Variants in KIZ observed in about 807,000 individuals in gnomAD.
The protein encoded by KIZ is centrosomal protein kizuna.
Under a neutral mutation model 79.6 loss-of-function variants are expected in KIZ, and 68 were observed. The ratio of observed to expected loss-of-function variants is 0.85; its 90% CI spans 0.70 to 1.05. The LOEUF is 1.05. Among genes scored for constraint, KIZ ranks in the 50% least tolerant of loss-of-function variants. KIZ has a pLI of 0.00. For synonymous variants in KIZ, 280 were observed against 281.8 expected, an observed-to-expected ratio of 0.99 and a Z score of 0.06; for missense variants, 797 against 800.4, an observed-to-expected ratio of 1.00 and a Z score of 0.05.
At chr20:21,200,008 A>G (rs1408717336) in intron 6 of KIZ, among the ~76,000 whole-genome samples, 1 of 151,988 alleles carries the variant, frequency 6.6e-6, no homozygotes, top group Non-Finnish European at 1.5e-5. Flanking sequence ...TTGGCAGAAG[A>G]TGGGGTTTTA....
chr20:21,227,067 T>C (rs1290955804), intron 9 of KIZ, among the ~76,000 whole-genome samples: 6 of 152,206 alleles, frequency 3.9e-5, no homozygotes, highest in Non-Finnish European at 7.3e-5. Context: ...AGTATCAAAA[T>C]GGTCCCTTGT....
intron 7 of KIZ, among the ~76,000 whole-genome samples, chr20:21,205,893 A>G (rs1387200014): frequency 6.6e-6 from 1 of 151,826 alleles, no homozygotes; most frequent in Non-Finnish European, 1.5e-5. Flanking sequence ...CCCAGGATGC[A>G]GAGGTTGCAG....
chr20:21,203,255 C>T (rs1421469455), intron 6 of KIZ, among the ~76,000 whole-genome samples: 2 of 152,160 alleles, frequency 1.3e-5, no homozygotes, highest in Non-Finnish European at 2.9e-5. Context: ...AATTGGGTCA[C>T]TTACCCTGGA....
chr20:21,196,678 G>A (rs2035356391), intron 6 of KIZ: 2 of 152,260 alleles, frequency 1.3e-5, no homozygotes, highest in Non-Finnish European at 2.9e-5. Context: ...GACCCAACTC[G>A]GGGTCTGACC....
intron 4 of KIZ, among the ~76,000 whole-genome samples, chr20:21,160,166 G>A (rs918893564): frequency 4.6e-5 from 7 of 152,094 alleles, no homozygotes; most frequent in Admixed American, 3.3e-4. Context: ...CAGTGTGGTC[G>A]GTCCAGATAA....
chr20:21,165,290 A>G (rs760357909), intron 6 of KIZ, among the ~76,000 whole-genome samples: 37 of 152,190 alleles, frequency 2.4e-4, no homozygotes, highest in Admixed American at 1.4e-3. Context: ...TGAAGGAGAA[A>G]GAGGAGGGAA....
At chr20:21,220,133 A>G (rs968836415) in intron 9 of KIZ, among the ~76,000 whole-genome samples, 2 of 149,494 alleles carry the variant, frequency 1.3e-5, no homozygotes, top group Non-Finnish European at 3.0e-5. Flanking sequence ...TATTAGTTAT[A>G]TATTATATAT....
chr20:21,168,670 T>C (rs1433811283), intron 6 of KIZ, among the ~76,000 whole-genome samples: 2 of 152,162 alleles, frequency 1.3e-5, no homozygotes, highest in Non-Finnish European at 2.9e-5. Context: ...TCACGCTACC[T>C]GACTTCAAAC....
chr20:21,160,491 C>T (rs1421306930), intron 4 of KIZ, among the ~76,000 whole-genome samples: 1 of 152,116 alleles, frequency 6.6e-6, no homozygotes, highest in African/African-American at 2.4e-5. Flanking sequence ...TCTCTCTCTG[C>T]CTGCGCTCCC....
chr20:21,192,203 A>G (rs1350452559), intron 6 of KIZ, among the ~76,000 whole-genome samples: 1 of 151,796 alleles, frequency 6.6e-6, no homozygotes, highest in Admixed American at 6.6e-5. Flanking sequence ...TTCTGAATAC[A>G]AGGTATTTCT....
intron 11 of KIZ, among the ~76,000 whole-genome samples, chr20:21,240,679 G>A (rs2037187239): frequency 6.6e-6 from 1 of 151,682 alleles, no homozygotes; most frequent in Non-Finnish European, 1.5e-5. Flanking sequence ...GTGGCCCTTG[G>A]GCCGTGCCCA....
At position 21,204,079 on chromosome 20, in the gene KIZ, G is replaced by A. The variant is rs76312512; in HGVS notation, c.1353-1412G>A. On this transcript the variant is annotated intron_variant, in intron 6 of 12. Transcript: ENST00000619189. ...TCTGACTGGCTTATTTCACTTAGCA[G>A]CACAATCCCCTTAAGAGTCATCTAT... Among the ~76,000 whole-genome samples, 1,032 of 145,686 alleles carry A rather than the reference G, an allele frequency of 7.1e-3. 11 individuals carry two copies. Among genetic ancestry groups the A allele is most frequent in the Non-Finnish European group, 0.012 (768 of 66,582 alleles).
intron 6 of KIZ, among the ~76,000 whole-genome samples, chr20:21,164,825 T>A (rs1480830308): frequency 6.6e-6 from 1 of 152,132 alleles, no homozygotes; most frequent in African/African-American, 2.4e-5. Flanking sequence ...TTTGAGTATT[T>A]CTCTTAATAA....
intron 6 of KIZ, among the ~76,000 whole-genome samples, chr20:21,190,334 C>G (rs868057292): frequency 3.9e-5 from 6 of 152,146 alleles, no homozygotes; most frequent in South Asian, 4.1e-4. Context: ...GCTAGCAGCC[C>G]GGAATTCAGT....
At chr20:21,169,697 A>G (rs2034118987) in intron 6 of KIZ, among the ~76,000 whole-genome samples, 1 of 152,230 alleles carries the variant, frequency 6.6e-6, no homozygotes, top group Non-Finnish European at 1.5e-5. Context: ...TAGTTTCTCT[A>G]CTTGAAAATG....
At chr20:21,138,245 T>C (rs1714500475) in intron 3 of KIZ, among the ~76,000 whole-genome samples, 1 of 152,206 alleles carries the variant, frequency 6.6e-6, no homozygotes, top group Non-Finnish European at 1.5e-5. Flanking sequence ...CTCCTTTTTT[T>C]TCCCCATGTC....
At chr20:21,169,579 G>A (rs1007111132) in intron 6 of KIZ, among the ~76,000 whole-genome samples, 1 of 152,168 alleles carries the variant, frequency 6.6e-6, no homozygotes, top group Admixed American at 6.6e-5. Flanking sequence ...CCATTACTGG[G>A]TATATACCCA....
At chr20:21,152,469 G>A (rs908567557) in intron 4 of KIZ, among the ~76,000 whole-genome samples, 3 of 152,052 alleles carry the variant, frequency 2.0e-5, no homozygotes, top group African/African-American at 2.4e-5. Context: ...CTATCCCTCT[G>A]ATGTAGTTCT....
At chr20:21,228,898 A>T in intron 9 of KIZ, 113 bp from the exon 10 acceptor site, 1 of 585,382 alleles carries the variant, frequency 1.7e-6, no homozygotes, top group Non-Finnish European at 3.0e-6. Context: ...GACAGTTCAA[A>T]AAATAATAAT....
Sources: allele counts gnomAD v4.1 joint callset (sites outside exome capture counted in the v4.1 genomes callset), GRCh38; gene constraint gnomAD v4.1.1; transcripts MANE v1.5; gene names NCBI Gene and HGNC (gene_info 2026-07-23, HGNC 2026-07-21).